Variants in CYFIP1 observed in about 807,000 individuals in gnomAD.
CYFIP1 encodes the protein cytoplasmic FMR1 interacting protein 1, also known as cytoplasmic FMR1-interacting protein 1.
CYFIP1 carries 58 observed loss-of-function variants against 163.5 expected under a neutral mutation model. The observed-to-expected ratio is 0.35, with a 90% confidence interval of 0.29 to 0.44. CYFIP1 has a LOEUF of 0.44. Ranked by LOEUF, CYFIP1 falls within the 20% of genes least tolerant of loss-of-function variation. The pLI is 1.00. For missense variants in CYFIP1, 1,338 were observed against 1,653.8 expected (o/e 0.81, Z 3.31); for synonymous variants, 663 against 660.7 (o/e 1.00, Z -0.05).
intron 13 of CYFIP1, among the ~76,000 whole-genome samples, chr15:22,919,312 A>C (rs1022981266): frequency 2.0e-5 from 3 of 152,222 alleles, no homozygotes; most frequent in Non-Finnish European, 2.9e-5. Context: ...TACATGACAA[A>C]GAGCTTCCAA....
chr15:22,877,913 A>T (rs2059631423), intron 26 of CYFIP1, among the ~76,000 whole-genome samples: 1 of 152,250 alleles, frequency 6.6e-6, no homozygotes, highest in Non-Finnish European at 1.5e-5. Context: ...CATGTGAGCC[A>T]ACACATTCTC....
At chr15:22,894,887 T>C (rs1470692134) in intron 22 of CYFIP1, among the ~76,000 whole-genome samples, 1 of 147,096 alleles carries the variant, frequency 6.8e-6, no homozygotes. Context: ...ATTTTTTTTT[T>C]TTTTGTCACC....
At chr15:22,965,198 CCT>C (rs1407651916) in intron 1 of CYFIP1, among the ~76,000 whole-genome samples, 1 of 152,178 alleles carries the variant, frequency 6.6e-6, no homozygotes, top group Non-Finnish European at 1.5e-5. Flanking sequence ...GTGGCTCACG[CCT>C]ATAGTCCCAA....
chr15:22,869,929 A>C lies in CYFIP1; in HGVS notation c.*99T>G. On this transcript the variant is annotated 3_prime_UTR_variant, in exon 31 of 31. Coordinates refer to ENST00000617928, the MANE Select transcript of CYFIP1 (RefSeq NM_014608.6). ...TAGATCGAAAAGCACCCCCTTTAAC[A>C]GGTACAGAGATACTGAAAAATAGTC... The C allele has an allele frequency of 9.1e-7, 1 of 1,103,154 alleles. No individual in the cohort carries two copies. The highest frequency in any genetic ancestry group is 1.2e-6 in the Non-Finnish European group (1 of 833,772). 68.3% of individuals were successfully genotyped at this position (1,103,154 alleles called of 1,614,324 possible). A position where few individuals can be genotyped will look rare whatever the true frequency, so the allele number is the denominator to read the frequency against.
At chr15:22,873,388 A>G in intron 29 of CYFIP1, 103 bp downstream of exon 29, 1 of 973,150 alleles carries the variant, frequency 1.0e-6, no homozygotes, top group South Asian at 1.6e-5. Flanking sequence ...TTTCTGGTCC[A>G]CTTCCTGAGC....
At chr15:22,958,833 G>A (rs1467726104) in intron 1 of CYFIP1, among the ~76,000 whole-genome samples, 1 of 152,220 alleles carries the variant, frequency 6.6e-6, no homozygotes, top group African/African-American at 2.4e-5. Flanking sequence ...GGGCAAGGGA[G>A]AGCAGTTCTG....
chr15:22,918,566 G>T, intron 14 of CYFIP1, 126 bp downstream of exon 14: 2 of 830,726 alleles, frequency 2.4e-6, no homozygotes, highest in Non-Finnish European at 1.8e-6. Context: ...TCACCAAGAG[G>T]GCATCTGAAG....
At chr15:22,903,184 G>T (rs1418057384) in intron 22 of CYFIP1, among the ~76,000 whole-genome samples, 1 of 152,120 alleles carries the variant, frequency 6.6e-6, no homozygotes, top group Non-Finnish European at 1.5e-5. Context: ...GGCACGCGCT[G>T]ACACTGTATA....
At chr15:22,874,961 C>T (rs767282157) in intron 27 of CYFIP1, among the ~76,000 whole-genome samples, 4 of 152,184 alleles carry the variant, frequency 2.6e-5, no homozygotes, top group Non-Finnish European at 5.9e-5. Flanking sequence ...ATATACCCAA[C>T]TCCCCCTGCT....
chr15:22,874,731 G>C lies in CYFIP1; in HGVS notation c.3116-87C>G, dbSNP rs2059534152. ...GTTTACATTTGTTTAAAAAACAAAA[G>C]ATTTTTAAGTTAACATTATGGATAC... is the stretch of plus-strand genomic sequence containing the variant. On this transcript the variant is annotated intron_variant, in intron 27 of 30. Coordinates refer to ENST00000617928, the MANE Select transcript of CYFIP1 (RefSeq NM_014608.6). 6.9e-6 allele frequency: 6 copies of C among 865,718 alleles called. No homozygotes were observed. In the Admixed American group the frequency reaches 1.1e-4, roughly 16 times the overall value. The allele number at this position is 865,718 out of a possible 1,614,324, so 53.6% of individuals were successfully genotyped here.
intron 11 of CYFIP1, 30 bp downstream of exon 11, chr15:22,932,193 G>A (rs778971448): frequency 8.4e-6 from 13 of 1,543,460 alleles, no homozygotes; most frequent in South Asian, 1.2e-5. Flanking sequence ...ACCCTCGGGT[G>A]CCTGTGCAGC....
intron 1 of CYFIP1, among the ~76,000 whole-genome samples, chr15:22,964,613 T>G (rs144805012): frequency 2.0e-5 from 3 of 152,182 alleles, no homozygotes; most frequent in Non-Finnish European, 4.4e-5. Context: ...GACACAGGGC[T>G]CCATGTTCCC....
intron 23 of CYFIP1, among the ~76,000 whole-genome samples, chr15:22,883,621 T>C (rs538207456): frequency 1.1e-3 from 161 of 152,016 alleles, no homozygotes; most frequent in Non-Finnish European, 2.0e-3. Context: ...ATGGAGACCA[T>C]CCTGGCTAAC....
At chr15:22,900,479 A>G (rs1174276289) in intron 22 of CYFIP1, among the ~76,000 whole-genome samples, 1 of 150,182 alleles carries the variant, frequency 6.7e-6, no homozygotes, top group African/African-American at 2.5e-5. Flanking sequence ...GCTCACTGCA[A>G]CCTCCGCTGC....
At chr15:22,922,964 C>T (rs1240831245) in intron 13 of CYFIP1, among the ~76,000 whole-genome samples, 11 of 151,402 alleles carry the variant, frequency 7.3e-5, no homozygotes, top group Admixed American at 7.2e-4. Flanking sequence ...TGCACTCCAG[C>T]CTGGGTGACA....
At position 22,943,372 on chromosome 15, in the gene CYFIP1, G is replaced by A; in HGVS notation, c.388-18C>T. ...GCATTTCTCTGTGCAGAGGAAGCAG[G>A]AGGGCAGAAAGCTGCAGGTCAGTGA... On this transcript the variant is annotated intron_variant, in intron 5 of 30. Coordinates refer to ENST00000617928, the MANE Select transcript of CYFIP1 (RefSeq NM_014608.6). 1.2e-6 allele frequency: 2 copies of A among 1,611,832 alleles called. No homozygotes were observed. The highest frequency in any genetic ancestry group is 1.7e-6 in the Non-Finnish European group (2 of 1,179,078).
At position 22,893,098 on chromosome 15, in the gene CYFIP1, A is replaced by G. The variant is rs569637485; in HGVS notation, c.2589-121T>C. ...CTCCCAGTCAACTGATACAATCATC[A>G]AATAGGAAAATTCTAGTGAATCGAA... On this transcript the variant is annotated intron_variant, in intron 22 of 30. Transcript: ENST00000617928. 16 of 685,592 alleles carry G rather than the reference A, an allele frequency of 2.3e-5. No individual in the cohort carries two copies. The Admixed American group carries it at 2.6e-4, about 11-fold the overall frequency. The allele number at this position is 685,592 out of a possible 1,614,324, so 42.5% of individuals were successfully genotyped here.
Position 22,872,918 on chromosome 15 carries a change from A to G in CYFIP1, c.3504T>C (p.Leu1168=). The change falls in exon 30 of 31, where the codon CTT becomes CTC. Residue 1168 remains leucine, a synonymous_variant. Transcript: ENST00000617928. ...HWAGCMIIVL[L]GQQRRFAVLD... ...GCACAGCAAAACGCCGCTGCTGCCC[A>G]AGAAGTACGATGATCATACAGCCAG... is the stretch of plus-strand genomic sequence containing the variant. The G allele has an allele frequency of 6.2e-7, 1 of 1,614,158 alleles. No homozygotes were observed.
chr15:22,956,027 C>T (rs1007017449), intron 1 of CYFIP1, among the ~76,000 whole-genome samples: 1 of 151,956 alleles, frequency 6.6e-6, no homozygotes, highest in Admixed American at 6.6e-5. Context: ...GCTAACATGG[C>T]GAAATACTTC....
Sources: gnomAD v4.1 joint callset for allele counts (sites outside exome capture counted in the v4.1 genomes callset) on GRCh38, gnomAD v4.1.1 for gene constraint, MANE v1.5 for transcripts, NCBI Gene and HGNC (gene_info 2026-07-23, HGNC 2026-07-21) for gene names.